DZIP1L: variants seen among roughly 807,000 people sequenced by gnomAD.
DZIP1L encodes DAZ interacting zinc finger protein 1 like.
In DZIP1L, 90 loss-of-function variants were observed where a neutral mutation model predicts 88.7. That is an observed-to-expected ratio of 1.02 (90% confidence interval 0.86 to 1.21). The LOEUF (loss-of-function observed/expected upper bound fraction) is 1.21. Ranked by LOEUF, DZIP1L falls within the 50% of genes most tolerant of loss-of-function variation. DZIP1L has a pLI of 0.00. For missense variants in DZIP1L, 932 were observed against 955.8 expected, an observed-to-expected ratio of 0.98 and a Z score of 0.33; for synonymous variants, 363 against 372.1, an observed-to-expected ratio of 0.98 and a Z score of 0.28.
At chr3:138,098,020 C>G (rs548972611) in intron 2 of DZIP1L, among the ~76,000 whole-genome samples, 173 bp from the exon 3 acceptor site, 125 of 152,320 alleles carry the variant, frequency 8.2e-4, no homozygotes, top group Admixed American at 2.1e-3. Context: ...ACTAGGATCA[C>G]CGGAGCTTTA....
At chr3:138,064,148 A>G (rs1576425311) in intron 15 of DZIP1L, among the ~76,000 whole-genome samples, 2 of 152,300 alleles carry the variant, frequency 1.3e-5, no homozygotes, top group African/African-American at 4.8e-5. Flanking sequence ...AAACAGAGGT[A>G]TCTAAATATT....
Position 138,068,283 on chromosome 3 carries a change from G to A in DZIP1L, c.1700C>T (p.Ala567Val). The A allele has an allele frequency of 6.3e-7, 1 of 1,598,000 alleles. No individual in the cohort carries two copies. The highest frequency in any genetic ancestry group is 8.5e-7 in the Non-Finnish European group (1 of 1,171,586). The change falls in exon 13 of 16, where the codon GCA (alanine) becomes GTA (valine). Residue 567 changes from alanine to valine, a missense_variant. Coordinates refer to ENST00000327532, the MANE Select transcript of DZIP1L (RefSeq NM_173543.3). ...CTGACGAGTTGGTGGGGGTGGCTCT[G>A]CCGGTGTGGATGGCAAGGCCACCTG... ...TLQVALPSTP[A>V]EPPPPTRQSH...
chr3:138,092,753 C>T (rs1423975319), intron 4 of DZIP1L, among the ~76,000 whole-genome samples: 1 of 152,188 alleles, frequency 6.6e-6, no homozygotes, highest in East Asian at 1.9e-4. Flanking sequence ...TAGTAGATTC[C>T]TTCTCAAGAA....
Position 138,062,749 on chromosome 3 carries a change from C to T in DZIP1L, c.*67G>A, listed in dbSNP as rs552190367. 6 of 1,569,698 alleles carry T rather than the reference C, an allele frequency of 3.8e-6. No individual in the cohort carries two copies. In the African/African-American group the frequency reaches 6.8e-5, roughly 18 times the overall value. On this transcript the variant is annotated 3_prime_UTR_variant, in exon 16 of 16. Transcript: ENST00000327532. Reference sequence around the variant, plus strand: ...AAGACAAGAGGCCCAGCAGCCTCTTCTGTTGAAGTGGACCTGAGCTGGCCC... The same window carrying T: ...AAGACAAGAGGCCCAGCAGCCTCTTTTGTTGAAGTGGACCTGAGCTGGCCC...
intron 6 of DZIP1L, 101 bp from the exon 7 acceptor site, chr3:138,087,124 AGAG>A: frequency 9.9e-7 from 1 of 1,007,206 alleles, no homozygotes; most frequent in Non-Finnish European, 1.5e-6. Flanking sequence ...GTAGGCAGAC[AGAG>A]TAGTGGAATA....
At chr3:138,073,871 C>T (rs982947799) in intron 11 of DZIP1L, among the ~76,000 whole-genome samples, 1 of 151,910 alleles carries the variant, frequency 6.6e-6, no homozygotes, top group African/African-American at 2.4e-5. Flanking sequence ...AAAAAGTTAT[C>T]ACAACTTCTG....
chr3:138,088,979 G>A, intron 5 of DZIP1L: 3 of 985,544 alleles, frequency 3.0e-6, no homozygotes, highest in African/African-American at 1.7e-5. Context: ...TCAATACCTA[G>A]TGATTCCTGG....
intron 8 of DZIP1L, among the ~76,000 whole-genome samples, chr3:138,083,869 G>C (rs1179727167): frequency 1.3e-5 from 2 of 152,176 alleles, no homozygotes; most frequent in Non-Finnish European, 2.9e-5. Context: ...CGTTTTATAT[G>C]GTCTCTGCTG....
At chr3:138,094,550 C>T (rs1052559545) in intron 4 of DZIP1L, among the ~76,000 whole-genome samples, 1 of 152,224 alleles carries the variant, frequency 6.6e-6, no homozygotes, top group African/African-American at 2.4e-5. Flanking sequence ...TCTTTGTCCA[C>T]AAAAAGTTAA....
chr3:138,088,848 G>T (rs773873855), intron 5 of DZIP1L: 3 of 997,582 alleles, frequency 3.0e-6, no homozygotes, highest in Non-Finnish European at 3.6e-6. Flanking sequence ...ATGAGAATGA[G>T]ACTCTTAGAG....
intron 10 of DZIP1L, among the ~76,000 whole-genome samples, chr3:138,079,713 T>G (rs1473193479): frequency 6.6e-6 from 1 of 152,198 alleles, no homozygotes; most frequent in African/African-American, 2.4e-5. Flanking sequence ...TTTTATACCA[T>G]TCCTTTTTTT....
intron 1 of DZIP1L, among the ~76,000 whole-genome samples, chr3:138,110,565 G>A (rs1025370702): frequency 2.6e-5 from 4 of 152,044 alleles, no homozygotes; most frequent in African/African-American, 7.2e-5. Flanking sequence ...CTTCCAGAGC[G>A]CACAGCATAC....
intron 4 of DZIP1L, among the ~76,000 whole-genome samples, chr3:138,094,400 C>T (rs188139211): frequency 2.0e-5 from 3 of 152,276 alleles, no homozygotes; most frequent in Admixed American, 2.0e-4. Flanking sequence ...ACCAACTATG[C>T]AGCTGGTGCT....
At chr3:138,101,473 G>T in intron 2 of DZIP1L, 1 of 766,856 alleles carries the variant, frequency 1.3e-6, no homozygotes, top group Non-Finnish European at 2.3e-6. Context: ...GGCTGCCACA[G>T]CTGTTCACTT....
chr3:138,081,616 C>T, intron 9 of DZIP1L, 118 bp downstream of exon 9: 1 of 1,039,338 alleles, frequency 9.6e-7, no homozygotes, highest in Non-Finnish European at 1.4e-6. Context: ...ACTACATGTC[C>T]ACAGGCTGCT....
intron 5 of DZIP1L, 94 bp from the exon 6 acceptor site, chr3:138,088,601 C>A (rs1944063026): frequency 2.1e-6 from 3 of 1,449,326 alleles, no homozygotes; most frequent in Non-Finnish European, 1.8e-6. Context: ...CACGCCTTAC[C>A]CAACTCATCC....
intron 1 of DZIP1L, among the ~76,000 whole-genome samples, chr3:138,112,993 G>A (rs984744991): frequency 1.6e-4 from 24 of 152,232 alleles, no homozygotes; most frequent in Non-Finnish European, 4.4e-5. Flanking sequence ...TAGGAAAACT[G>A]AAGCTGTTTA....
In DZIP1L at chr3:138,088,402, G is replaced by C; in HGVS notation, c.976C>G (p.Leu326Val). 1 of 1,613,242 alleles carries C rather than the reference G, an allele frequency of 6.2e-7. No homozygotes were observed. The highest frequency in any genetic ancestry group is 8.5e-7 in the Non-Finnish European group (1 of 1,179,628). ...ACCTGAATTTCTGTCTTCTCTCTCA[G>C]GGCCTGAAGCTCCCGTGCCTGCCGA... Reference protein sequence around the residue: ...WLRQARELQALREKTEIQKTE... With the variant: ...WLRQARELQAVREKTEIQKTE... Residue 326 changes from leucine to valine, a missense_variant, in exon 6 of 16, where the codon CTG becomes GTG. Physicochemically the swap from Leu to Val is conservative, Grantham distance 32. Transcript: ENST00000327532.
rs761358256 is a variant in DZIP1L at position 138,103,566 on chromosome 3, G to A, written c.406C>T (p.Leu136Phe). The A allele has an allele frequency of 6.2e-7, 1 of 1,608,752 alleles. No homozygotes were observed. The highest frequency in any genetic ancestry group is 8.5e-7 in the Non-Finnish European group (1 of 1,179,652). ...QQELGRQADELKGVREESRRR... is the reference protein window; with the variant it reads ...QQELGRQADEFKGVREESRRR... Reference sequence around the variant, plus strand: ...CGGCTCTCCTCCCGCACACCCTTGAGCTCGTCAGCCTGGCGTCCCAGCTCC... The same window carrying A: ...CGGCTCTCCTCCCGCACACCCTTGAACTCGTCAGCCTGGCGTCCCAGCTCC... Residue 136 changes from leucine to phenylalanine, a missense_variant, in exon 2 of 16, where the codon CTC (leucine) becomes TTC (phenylalanine). By Grantham distance (22) the Leu-to-Phe change is conservative. Coordinates refer to ENST00000327532, the MANE Select transcript of DZIP1L (RefSeq NM_173543.3).
Sources: allele counts gnomAD v4.1 joint callset (sites outside exome capture counted in the v4.1 genomes callset), GRCh38; gene constraint gnomAD v4.1.1; transcripts MANE v1.5; gene names NCBI Gene and HGNC (gene_info 2026-07-23, HGNC 2026-07-21).